The following RNF150 variants were observed in gnomAD, a reference collection of about 807,000 sequenced individuals.
The protein encoded by RNF150 is ring finger protein 150.
Under a neutral mutation model 39.3 loss-of-function variants are expected in RNF150, and 24 were observed. That is an observed-to-expected ratio of 0.61 (90% CI 0.44 to 0.86). The LOEUF (loss-of-function observed/expected upper bound fraction) is 0.86. RNF150 is among the 40% of genes least tolerant of loss of function. The pLI, the probability that RNF150 is intolerant of heterozygous loss-of-function variation, is 0.00. For missense variants in RNF150, 502 were observed against 587.8 expected, an observed-to-expected ratio of 0.85 and a Z score of 1.51; for synonymous variants, 255 against 227.3, an observed-to-expected ratio of 1.12 and a Z score of -1.10.
At chr4:140,907,467 C>T (rs1730429344) in intron 6 of RNF150, among the ~76,000 whole-genome samples, 1 of 151,976 alleles carries the variant, frequency 6.6e-6, no homozygotes, top group Non-Finnish European at 1.5e-5. Flanking sequence ...TTTCCACTTT[C>T]ACTCTGAAGG....
intron 1 of RNF150, among the ~76,000 whole-genome samples, chr4:140,988,629 C>A (rs1165902018): frequency 6.6e-6 from 1 of 151,138 alleles, no homozygotes; most frequent in African/African-American, 2.4e-5. Context: ...CTAATGCTAT[C>A]CCTCCCCCTT....
chr4:141,006,052 G>A (rs1255499236), intron 1 of RNF150, among the ~76,000 whole-genome samples: 21 of 146,234 alleles, frequency 1.4e-4, no homozygotes, highest in Non-Finnish European at 1.5e-4. Context: ...CTGGGCGACA[G>A]AGCGAGACTC....
chr4:140,905,469 C>A (rs1229766870), intron 6 of RNF150, among the ~76,000 whole-genome samples: 1 of 152,116 alleles, frequency 6.6e-6, no homozygotes, highest in Non-Finnish European at 1.5e-5. Flanking sequence ...GCCAGATGTG[C>A]AATGAAATGT....
At chr4:141,190,403 A>G (rs1461466870) in intron 1 of RNF150, among the ~76,000 whole-genome samples, 2 of 152,184 alleles carry the variant, frequency 1.3e-5, no homozygotes, top group Admixed American at 1.3e-4. Context: ...GTAAGCTGCC[A>G]TGTTTTGAGA....
intron 6 of RNF150, among the ~76,000 whole-genome samples, chr4:140,870,456 ATGTGTGTG>A (rs36234235): frequency 4.3e-4 from 64 of 147,810 alleles, no homozygotes; most frequent in Middle Eastern, 6.9e-3. Flanking sequence ...TTGTGCGTGT[ATGTGTGTG>A]TGTGTGTGTG....
chr4:140,984,424 T>C (rs185693378), intron 1 of RNF150, among the ~76,000 whole-genome samples: 1 of 152,244 alleles, frequency 6.6e-6, no homozygotes, highest in Admixed American at 6.5e-5. Context: ...TCTCTATCAG[T>C]ATTCTTAGGG....
intron 1 of RNF150, among the ~76,000 whole-genome samples, chr4:141,056,642 C>T (rs1329829746): frequency 6.6e-6 from 1 of 151,872 alleles, no homozygotes; most frequent in East Asian, 1.9e-4. Context: ...GAAGAGATAG[C>T]CTCTGCATTC....
chr4:141,010,577 G>A (rs1403779943), intron 1 of RNF150, among the ~76,000 whole-genome samples: 1 of 152,176 alleles, frequency 6.6e-6, no homozygotes, highest in Admixed American at 6.5e-5. Flanking sequence ...TCTTCATAAA[G>A]ACCTAGTAGC....
rs1226448034 is a variant in RNF150 at position 141,000,078 on chromosome 4, A to G, written c.485-32205T>C. 6.2e-3 allele frequency among the ~76,000 whole-genome samples: 492 copies of G among 78,798 alleles called. 52 individuals carry two copies. Among genetic ancestry groups the G allele is most frequent in the African/African-American group, 0.013 (254 of 19,376 alleles). 51.7% of individuals were successfully genotyped at this position (78,798 alleles called of 152,430 possible). On this transcript the variant is annotated intron_variant, in intron 1 of 6. Coordinates refer to ENST00000515673, the MANE Select transcript of RNF150 (RefSeq NM_020724.2). Reference sequence around the variant, plus strand: ...GAAGAAGAAGAAGAAGAAGAAGAAGAAGAAGAAGGAGAAGAAGAAGAAGAA... The same window carrying G: ...GAAGAAGAAGAAGAAGAAGAAGAAGGAGAAGAAGGAGAAGAAGAAGAAGAA...
chr4:140,870,185 T>C (rs1728871901), intron 6 of RNF150, among the ~76,000 whole-genome samples: 1 of 152,090 alleles, frequency 6.6e-6, no homozygotes, highest in Admixed American at 6.6e-5. Flanking sequence ...CAGGGAAATA[T>C]CCAACCTGAA....
At chr4:141,103,327 C>T (rs1434312786) in intron 1 of RNF150, among the ~76,000 whole-genome samples, 3 of 152,180 alleles carry the variant, frequency 2.0e-5, no homozygotes, top group Non-Finnish European at 4.4e-5. Context: ...CTCCTTAACC[C>T]AAGAGCCCTT....
intron 1 of RNF150, among the ~76,000 whole-genome samples, chr4:141,039,968 T>C (rs1040886473): frequency 6.6e-6 from 1 of 152,114 alleles, no homozygotes; most frequent in African/African-American, 2.4e-5. Flanking sequence ...TGATGTAACC[T>C]TTCCCCACAT....
At chr4:140,946,286 G>A (rs183043986) in intron 4 of RNF150, among the ~76,000 whole-genome samples, 1 of 152,228 alleles carries the variant, frequency 6.6e-6, no homozygotes, top group Admixed American at 6.5e-5. Flanking sequence ...ATCAATTTTA[G>A]TATCCTGTCA....
rs761513477 is a variant in RNF150, at chr4:140,967,609, T to G, written c.735+14A>C. On this transcript the variant is annotated intron_variant, in intron 2 of 6. Coordinates refer to ENST00000515673, the MANE Select transcript of RNF150 (RefSeq NM_020724.2). ...TAACAATTTTTAAAAGTTTTTTAAC[T>G]TTTTGCTACTCACCTGGTTCCTATC... The G allele has an allele frequency of 1.9e-6, 3 of 1,573,510 alleles. No homozygotes were observed. In the South Asian group the frequency reaches 3.5e-5, roughly 18 times the overall value.
chr4:141,013,632 T>C (rs116379677), intron 1 of RNF150, among the ~76,000 whole-genome samples: 167 of 152,338 alleles, frequency 1.1e-3, no homozygotes, highest in African/African-American at 3.7e-3. Flanking sequence ...TTTTTTCCAA[T>C]GCAACCTCTC....
chr4:140,951,817 C>T (rs2111382072), intron 2 of RNF150, among the ~76,000 whole-genome samples: 2 of 152,116 alleles, frequency 1.3e-5, no homozygotes, highest in Middle Eastern at 6.8e-3. Context: ...GAATCTGAAT[C>T]CCAAACAAAC....
chr4:140,954,064 C>T (rs1045266139), intron 2 of RNF150, among the ~76,000 whole-genome samples: 21 of 152,150 alleles, frequency 1.4e-4, no homozygotes, highest in African/African-American at 4.3e-4. Flanking sequence ...TAAAGTGATG[C>T]TAATGGAAGA....
intron 1 of RNF150, among the ~76,000 whole-genome samples, chr4:141,197,606 C>T (rs888641246): frequency 1.7e-4 from 26 of 152,200 alleles, no homozygotes; most frequent in African/African-American, 3.4e-4. Flanking sequence ...TGGCTGGGTG[C>T]GGTGGCTCAC....
At chr4:141,180,343 C>T (rs1727885667) in intron 1 of RNF150, among the ~76,000 whole-genome samples, 1 of 152,168 alleles carries the variant, frequency 6.6e-6, no homozygotes, top group Admixed American at 6.5e-5. Flanking sequence ...AGGAATATCC[C>T]TCAAAGGAGT....
Sources: allele counts gnomAD v4.1 joint callset (sites outside exome capture counted in the v4.1 genomes callset), GRCh38; gene constraint gnomAD v4.1.1; transcripts MANE v1.5; gene names NCBI Gene and HGNC (gene_info 2026-07-23, HGNC 2026-07-21).